Variants in FBLIM1 observed in about 807,000 individuals in gnomAD.
FBLIM1 encodes filamin-binding LIM protein 1.
Under a neutral mutation model 37.4 loss-of-function variants are expected in FBLIM1, and 29 were observed. The ratio of observed to expected loss-of-function variants is 0.77; its 90% CI spans 0.58 to 1.06. The LOEUF is 1.06. FBLIM1 is among the 50% of genes least tolerant of loss of function. The pLI is 0.00. For missense variants in FBLIM1, 449 were observed against 505.6 expected (o/e 0.89, Z 1.07); for synonymous variants, 193 against 199.0 (o/e 0.97, Z 0.25).
chr1:15,772,510 G>C (rs572095520), intron 6 of FBLIM1, among the ~76,000 whole-genome samples: 25 of 152,262 alleles, frequency 1.6e-4, no homozygotes, highest in African/African-American at 5.5e-4. Context: ...GTGAGGTCAA[G>C]GTAAAATGCA....
Position 15,765,045 on chromosome 1 carries a change from G to A in FBLIM1, c.62G>A (p.Arg21His), listed in dbSNP as rs758813348. ...SSVFITLAPPRRDVAVAEEVR... is the reference protein window; with the variant it reads ...SSVFITLAPPHRDVAVAEEVR... Reference sequence around the variant, plus strand: ...GTCTTTATCACCCTGGCACCCCCGCGCCGCGATGTGGCCGTGGCGGAGGAA... The same window carrying A: ...GTCTTTATCACCCTGGCACCCCCGCACCGCGATGTGGCCGTGGCGGAGGAA... The change falls in exon 3 of 9, where the codon CGC (arginine) becomes CAC (histidine). Residue 21 changes from arginine (R) to histidine (H), a missense_variant. Coordinates refer to ENST00000375766, the MANE Select transcript of FBLIM1 (RefSeq NM_017556.4). This position sits in a 1 kb window ranked among gnomAD's most constrained non-coding sequence, Gnocchi z 5.9. 8.7e-6 allele frequency: 14 copies of A among 1,613,952 alleles called. No individual in the cohort carries two copies. Among genetic ancestry groups the A allele is most frequent in the South Asian group, 7.7e-5 (7 of 91,076 alleles).
chr1:15,776,695 C>G (rs2069500114), intron 7 of FBLIM1, among the ~76,000 whole-genome samples: 3 of 151,346 alleles, frequency 2.0e-5, no homozygotes, highest in Admixed American at 2.0e-4. Context: ...AAACCCGTCT[C>G]TACTAAAAAT....
intron 6 of FBLIM1, 29 bp from the exon 7 acceptor site, chr1:15,774,589 G>C: frequency 6.3e-7 from 1 of 1,590,610 alleles, no homozygotes; most frequent in Non-Finnish European, 8.6e-7. Context: ...GTGTGTCGTG[G>C]ATGGTTCTGG....
chr1:15,761,659 A>T (rs2068678348), intron 1 of FBLIM1, among the ~76,000 whole-genome samples: 1 of 152,242 alleles, frequency 6.6e-6, no homozygotes, highest in Admixed American at 6.5e-5. Flanking sequence ...GAAGCAAAAG[A>T]CAAGTACTTT....
chr1:15,770,835 C>T (rs1557696671), intron 6 of FBLIM1, among the ~76,000 whole-genome samples: 1 of 152,218 alleles, frequency 6.6e-6, no homozygotes, highest in Non-Finnish European at 1.5e-5. Flanking sequence ...ATCAAAAGTC[C>T]AAAATCAGCT....
At chr1:15,770,825 A>T (rs1256443674) in intron 6 of FBLIM1, among the ~76,000 whole-genome samples, 5 of 152,202 alleles carry the variant, frequency 3.3e-5, no homozygotes, top group African/African-American at 4.8e-5. Context: ...AGTTCGGGAG[A>T]TCAAAAGTCC....
At chr1:15,776,488 A>G (rs1051525100) in intron 7 of FBLIM1, among the ~76,000 whole-genome samples, 1 of 152,232 alleles carries the variant, frequency 6.6e-6, no homozygotes, top group African/African-American at 2.4e-5. Context: ...TGCAGTGGGG[A>G]CACACAGATA....
chr1:15,779,912 T>A (rs2069593316), intron 8 of FBLIM1, among the ~76,000 whole-genome samples: 1 of 151,958 alleles, frequency 6.6e-6, no homozygotes, highest in Non-Finnish European at 1.5e-5. Flanking sequence ...AGACAGAGAC[T>A]GGAGTCAGGC....
intron 6 of FBLIM1, among the ~76,000 whole-genome samples, chr1:15,772,696 G>T (rs963835090): frequency 2.6e-5 from 4 of 152,114 alleles, no homozygotes; most frequent in African/African-American, 9.7e-5. Flanking sequence ...GCTCACACCT[G>T]CAATCTCAGC....
chr1:15,774,974 T>G, intron 7 of FBLIM1, 178 bp downstream of exon 7: 1 of 1,371,852 alleles, frequency 7.3e-7, no homozygotes, highest in Non-Finnish European at 9.9e-7. Flanking sequence ...ATCCCAGCAC[T>G]TTGGGAGGCC....
upstream of FBLIM1, among the ~76,000 whole-genome samples, chr1:15,757,649 G>A (rs1325812112): frequency 6.6e-6 from 1 of 152,160 alleles, no homozygotes; most frequent in Admixed American, 6.5e-5. This position sits in a 1 kb window ranked among gnomAD's most constrained non-coding sequence, Gnocchi z 4.1. Flanking sequence ...GTAGCTGAGG[G>A]GTTGCAGGAC....
intron 2 of FBLIM1, 56 bp from the exon 3 acceptor site, chr1:15,764,908 G>T: frequency 6.5e-7 from 1 of 1,527,200 alleles, no homozygotes; most frequent in Non-Finnish European, 8.8e-7. Flanking sequence ...CCTCTCGGGG[G>T]AGGGTGGCTG....
chr1:15,775,922 C>G (rs1204916692), intron 7 of FBLIM1, among the ~76,000 whole-genome samples: 1 of 152,066 alleles, frequency 6.6e-6, no homozygotes, highest in Non-Finnish European at 1.5e-5. Flanking sequence ...ATGACTCAGT[C>G]AGATAAGGCA....
At position 15,785,741 on chromosome 1, in the gene FBLIM1, T is replaced by C. The variant is rs577759010; in HGVS notation, c.*1080T>C. On this transcript the variant is annotated 3_prime_UTR_variant, in exon 9 of 9. Coordinates refer to ENST00000375766, the MANE Select transcript of FBLIM1 (RefSeq NM_017556.4). ...AGCAAACACCCCCTTGGTTCGCACA[T>C]GTACAGGAATGGGACCCAGTTGGGG... The C allele has an allele frequency of 6.6e-6, 1 of 152,354 alleles. No individual in the cohort carries two copies. Among genetic ancestry groups the C allele is most frequent in the East Asian group, 1.9e-4 (1 of 5,188 alleles). The allele number at this position is 152,354 out of a possible 1,614,324, so 9.4% of individuals were successfully genotyped here.
intron 4 of FBLIM1, 104 bp from the exon 5 acceptor site, chr1:15,768,424 C>T (rs1007214553): frequency 3.1e-5 from 22 of 708,656 alleles, no homozygotes; most frequent in East Asian, 6.4e-5. Context: ...GTTTCCTTCT[C>T]GGTACAATGC....
In FBLIM1 at chr1:15,773,682, A is replaced by G. The variant is rs1251262377; in HGVS notation, c.712-936A>G. Among the ~76,000 whole-genome samples, 19 of 14,074 alleles carry G rather than the reference A, an allele frequency of 1.4e-3. 1 individual carries two copies. Among genetic ancestry groups the G allele is most frequent in the Non-Finnish European group, 3.2e-3 (10 of 3,140 alleles). 9.2% of individuals were successfully genotyped at this position (14,074 alleles called of 152,430 possible). On this transcript the variant is annotated intron_variant, in intron 6 of 8. Transcript: ENST00000375766. Reference sequence around the variant, plus strand: ...TGACAAGAGCAAAACTCCGTCTCAGAAAAAAAAAAAAAAAAAAAGGTAGAT... The same window carrying G: ...TGACAAGAGCAAAACTCCGTCTCAGGAAAAAAAAAAAAAAAAAAGGTAGAT...
intron 8 of FBLIM1, among the ~76,000 whole-genome samples, chr1:15,778,346 C>T (rs2069550443): frequency 6.6e-6 from 1 of 152,146 alleles, no homozygotes; most frequent in Admixed American, 6.6e-5. Context: ...GGGTGGATTA[C>T]TTGAGCTCAC....
At chr1:15,782,654 C>T (rs1569880219) in intron 8 of FBLIM1, among the ~76,000 whole-genome samples, 2 of 152,112 alleles carry the variant, frequency 1.3e-5, no homozygotes, top group East Asian at 3.9e-4. Flanking sequence ...AGTTGTATAG[C>T]CCATGGTCTA....
chr1:15,774,656 C>T lies in FBLIM1; in HGVS notation c.750C>T (p.Val250=). The change falls in exon 7 of 9, where the codon GTC becomes GTT. Residue 250 remains valine (V), a synonymous_variant. Transcript: ENST00000375766. ...LERCGKCGEV[V]RDHIIRALGQ... is the part of the protein sequence containing the mutation. Reference sequence around the variant, plus strand: ...GGTGCGGCAAGTGTGGCGAGGTGGTCCGGGACCACATCATCAGGGCCCTGG... The same window carrying T: ...GGTGCGGCAAGTGTGGCGAGGTGGTTCGGGACCACATCATCAGGGCCCTGG... The T allele has an allele frequency of 6.2e-7, 1 of 1,613,920 alleles. No individual in the cohort carries two copies.
Sources: allele counts gnomAD v4.1 joint callset (sites outside exome capture counted in the v4.1 genomes callset), GRCh38; gene constraint gnomAD v4.1.1; non-coding constraint Gnocchi (gnomAD v3.1); transcripts MANE v1.5; gene names NCBI Gene and HGNC (gene_info 2026-07-23, HGNC 2026-07-21).